The following FBN1 variants were observed in gnomAD, a reference collection of about 807,000 sequenced individuals.
The protein encoded by FBN1 is fibrillin 1, also known as fibrillin-1.
Under a neutral mutation model 365.1 loss-of-function variants are expected in FBN1, and 29 were observed. The ratio of observed to expected loss-of-function variants is 0.08; its 90% CI spans 0.06 to 0.11. The LOEUF (loss-of-function observed/expected upper bound fraction) is 0.11. FBN1 is among the 10% of genes least tolerant of loss of function. FBN1 has a pLI of 1.00. For missense variants in FBN1, 2,476 were observed against 3,703.2 expected (o/e 0.67, Z 8.60); for synonymous variants, 1,210 against 1,270.5 (o/e 0.95, Z 1.01).
intron 2 of FBN1, among the ~76,000 whole-genome samples, chr15:48,619,698 A>AC (rs1421246002): frequency 6.6e-6 from 1 of 151,956 alleles, no homozygotes; most frequent in East Asian, 1.9e-4. Flanking sequence ...AAGCTGTTCA[A>AC]CAATTTTTTT....
At chr15:48,530,707 G>A (rs1000190121) in intron 8 of FBN1, among the ~76,000 whole-genome samples, 1 of 152,102 alleles carries the variant, frequency 6.6e-6, no homozygotes, top group Non-Finnish European at 1.5e-5. Flanking sequence ...GCTCCTGAGA[G>A]GATAAGAGCC....
chr15:48,539,060 A>T (rs2044035995), intron 6 of FBN1, among the ~76,000 whole-genome samples: 1 of 152,202 alleles, frequency 6.6e-6, no homozygotes, highest in Non-Finnish European at 1.5e-5. Context: ...TCTGGATCGT[A>T]ACAATGTTTT....
In FBN1 at chr15:48,508,598, A is replaced by G. The variant is rs149133920; in HGVS notation, c.1821T>C (p.Asp607=). The change falls in exon 15 of 66, where the codon GAT becomes GAC. Residue 607 remains aspartate (D), a synonymous_variant. Coordinates refer to ENST00000316623, the MANE Select transcript of FBN1 (RefSeq NM_000138.5). ...AGCACGAACCTTTGCAATAACGTCC[A>G]TCTGATGCCAGCTGGAATCCAGGTT... The part of the protein sequence containing the change: ...ICKPGFQLAS[D]GRYCKDINEC... 94 of 1,613,782 alleles carry G rather than the reference A, an allele frequency of 5.8e-5. No individual in the cohort carries two copies. Among genetic ancestry groups the G allele is most frequent in the Non-Finnish European group, 7.7e-5 (91 of 1,179,776 alleles).
chr15:48,595,023 C>G (rs939756613), intron 6 of FBN1, among the ~76,000 whole-genome samples: 2 of 152,142 alleles, frequency 1.3e-5, no homozygotes, highest in East Asian at 3.8e-4. Flanking sequence ...GGAGGGACTC[C>G]TAAAGGATAT....
chr15:48,517,479 C>T (rs1334080422), intron 10 of FBN1, among the ~76,000 whole-genome samples: 6 of 152,194 alleles, frequency 3.9e-5, no homozygotes, highest in Admixed American at 3.9e-4. Flanking sequence ...TGAATGAGGA[C>T]ATCCTGACTT....
At chr15:48,617,805 C>T (rs1889686752) in intron 2 of FBN1, among the ~76,000 whole-genome samples, 1 of 152,196 alleles carries the variant, frequency 6.6e-6, no homozygotes, top group Non-Finnish European at 1.5e-5. Flanking sequence ...GGCCTCTGTG[C>T]AAGATGTCTG....
At chr15:48,452,894 A>C (rs2043212205) in intron 44 of FBN1, among the ~76,000 whole-genome samples, 1 of 152,242 alleles carries the variant, frequency 6.6e-6, no homozygotes, top group African/African-American at 2.4e-5. Context: ...ACTGTGGTAC[A>C]TTCAGACAAT....
intron 63 of FBN1, among the ~76,000 whole-genome samples, chr15:48,416,471 T>A (rs2042904279): frequency 3.3e-5 from 5 of 152,190 alleles, no homozygotes; most frequent in Non-Finnish European, 7.3e-5. Flanking sequence ...ACCAGCCTCC[T>A]GCCCAGAGTG....
chr15:48,421,541 C>A lies in FBN1; in HGVS notation c.7699+17G>T. On this transcript the variant is annotated intron_variant, in intron 62 of 65. Coordinates refer to ENST00000316623, the MANE Select transcript of FBN1 (RefSeq NM_000138.5). ...CAAGGATTCACCAGCTGGATCGCAG[C>A]TGAAGTCTCCACCCACCTTCACAGC... 6.2e-7 allele frequency: 1 copy of A among 1,610,800 alleles called. No homozygotes were observed.
chr15:48,645,233 T>G (rs1394019893), intron 1 of FBN1, among the ~76,000 whole-genome samples: 2 of 152,006 alleles, frequency 1.3e-5, no homozygotes, highest in Non-Finnish European at 2.9e-5. Context: ...CTCTCTGGGT[T>G]TATTTTTTTT....
chr15:48,466,008 C>G (rs1233034787), intron 38 of FBN1, 150 bp from the exon 39 acceptor site: 2 of 686,916 alleles, frequency 2.9e-6, no homozygotes, highest in African/African-American at 1.8e-5. Context: ...AAGTTAACAC[C>G]TTTGTGTACA....
intron 13 of FBN1, among the ~76,000 whole-genome samples, chr15:48,512,469 C>G (rs1394406106): frequency 6.6e-6 from 1 of 152,178 alleles, no homozygotes; most frequent in Non-Finnish European, 1.5e-5. Context: ...CTGATCCTCT[C>G]CCTCCTCCAA....
At chr15:48,466,818 T>C (rs2141271137) in intron 38 of FBN1, among the ~76,000 whole-genome samples, 1 of 152,222 alleles carries the variant, frequency 6.6e-6, no homozygotes, top group East Asian at 1.9e-4. Flanking sequence ...CTTTTACTTG[T>C]TCTCCTCTTT....
At chr15:48,473,983 T>C (rs1047263961) in intron 34 of FBN1, among the ~76,000 whole-genome samples, 19 of 152,218 alleles carry the variant, frequency 1.2e-4, no homozygotes, top group African/African-American at 4.6e-4. Flanking sequence ...CATTTTATGT[T>C]AGAGCACAGA....
At chr15:48,586,946 G>T (rs1448415425) in intron 6 of FBN1, among the ~76,000 whole-genome samples, 1 of 152,186 alleles carries the variant, frequency 6.6e-6, no homozygotes, top group Non-Finnish European at 1.5e-5. Flanking sequence ...TAAAATTCAT[G>T]GGCTTGGAGA....
At chr15:48,602,314 G>T (rs2044573746) in intron 4 of FBN1, among the ~76,000 whole-genome samples, 1 of 151,966 alleles carries the variant, frequency 6.6e-6, no homozygotes, top group Non-Finnish European at 1.5e-5. Context: ...ATATAATCCA[G>T]CCTATTTTTA....
intron 6 of FBN1, among the ~76,000 whole-genome samples, chr15:48,554,646 T>A (rs554121889): frequency 2.0e-5 from 3 of 152,340 alleles, no homozygotes; most frequent in African/African-American, 7.2e-5. Context: ...TATTCATTTT[T>A]AAAATAGGTT....
chr15:48,639,369 T>C (rs9672159), intron 2 of FBN1, among the ~76,000 whole-genome samples: 20,290 of 152,118 alleles, frequency 0.13, 4,146 homozygotes, highest in African/African-American at 0.44. Context: ...TAGTAACATA[T>C]AGATGTTACC....
intron 3 of FBN1, among the ~76,000 whole-genome samples, chr15:48,611,958 G>A (rs1165144526): frequency 6.6e-6 from 1 of 152,158 alleles, no homozygotes; most frequent in East Asian, 1.9e-4. Context: ...AACTGGAAAC[G>A]ACTAAGAAAC....
Sources: allele counts gnomAD v4.1 joint callset (sites outside exome capture counted in the v4.1 genomes callset), GRCh38; gene constraint gnomAD v4.1.1; transcripts MANE v1.5; gene names NCBI Gene and HGNC (gene_info 2026-07-23, HGNC 2026-07-21).